Variants in DMD observed in about 807,000 individuals in gnomAD.
The protein encoded by DMD is dystrophin.
A neutral mutation model predicts 330.1 loss-of-function variants in DMD; 63 were observed. That is an observed-to-expected ratio of 0.19 (90% CI 0.16 to 0.24). The LOEUF is 0.24. Ranked by LOEUF, DMD falls within the 10% of genes least tolerant of loss-of-function variation. The probability of loss-of-function intolerance (pLI) is 1.00; values close to 1 mark genes in which losing one functional copy is unlikely to be tolerated. For missense variants in DMD, 3,344 were observed against 2,684.1 expected (o/e 1.25, Z -5.43); for synonymous variants, 1,223 against 959.8 (o/e 1.27, Z -5.07).
At chrX:32,806,369 G>C (rs1365921678) in intron 7 of DMD, among the ~76,000 whole-genome samples, 2 of 111,532 alleles carry the variant, frequency 1.8e-5, no homozygotes, top group Non-Finnish European at 3.8e-5. Flanking sequence ...TTACATAATG[G>C]TAAAGGGATC....
At chrX:32,093,646 C>T (rs1039944424) in intron 44 of DMD, among the ~76,000 whole-genome samples, 9 of 111,527 alleles carry the variant, frequency 8.1e-5, no homozygotes, top group Admixed American at 2.9e-4. Flanking sequence ...ATGAGATTTA[C>T]GACTACTCAA....
intron 16 of DMD, among the ~76,000 whole-genome samples, chrX:32,560,588 C>T (rs1389341700): frequency 9.0e-6 from 1 of 110,771 alleles, no homozygotes; most frequent in Non-Finnish European, 1.9e-5. Context: ...TCCTGATGCT[C>T]TCCTCCTCTC....
At chrX:32,650,362 C>T (rs6653879) in intron 9 of DMD, among the ~76,000 whole-genome samples, 8,721 of 111,487 alleles carry the variant, frequency 0.078, 314 homozygotes, top group African/African-American at 0.14. Flanking sequence ...ATGTATCATA[C>T]TTCTTTTTCA....
intron 60 of DMD, among the ~76,000 whole-genome samples, chrX:31,382,969 A>G (rs2148733514): frequency 8.9e-6 from 1 of 112,282 alleles, no homozygotes; most frequent in East Asian, 2.8e-4. Flanking sequence ...TGACCTACAC[A>G]TATACATCCA....
At chrX:31,527,073 C>T (rs2073297160) in intron 55 of DMD, among the ~76,000 whole-genome samples, 1 of 111,452 alleles carries the variant, frequency 9.0e-6, no homozygotes, top group Admixed American at 9.5e-5. Context: ...CATGATTGTG[C>T]CACTGCACTC....
chrX:31,433,089 A>C (rs1034879416), intron 60 of DMD, among the ~76,000 whole-genome samples: 4 of 111,740 alleles, frequency 3.6e-5, no homozygotes, highest in African/African-American at 1.3e-4. Flanking sequence ...TGTTGTTCCC[A>C]ACTTTACATC....
At chrX:32,177,106 A>G (rs1479574166) in intron 44 of DMD, among the ~76,000 whole-genome samples, 1 of 111,660 alleles carries the variant, frequency 9.0e-6, no homozygotes, top group African/African-American at 3.3e-5. Flanking sequence ...CGTCTCCTGT[A>G]TTTTTCTCAG....
chrX:33,279,339 A>C (rs985308116), intron 1 of DMD, among the ~76,000 whole-genome samples: 4 of 111,816 alleles, frequency 3.6e-5, no homozygotes, highest in Non-Finnish European at 7.5e-5. Context: ...CAACAAAATT[A>C]AGCAGAGATT....
intron 1 of DMD, among the ~76,000 whole-genome samples, chrX:33,135,784 T>C (rs1471196173): frequency 2.7e-5 from 3 of 111,960 alleles, no homozygotes; most frequent in East Asian, 5.6e-4. Context: ...ACAGTACTTA[T>C]ATTATAAAAT....
intron 16 of DMD, among the ~76,000 whole-genome samples, chrX:32,552,162 G>C (rs2049634139): frequency 8.9e-6 from 1 of 111,888 alleles, no homozygotes; most frequent in South Asian, 3.7e-4. Context: ...AGCCAGAATA[G>C]CCAAGGTAAT....
At position 31,173,653 on chromosome X, in the gene DMD, G is replaced by GA. The variant is rs774865038; in HGVS notation, c.10263-50dup. Reference sequence around the variant, plus strand: ...GTCACAGATACCATCCATTAATGGAGAAAAAACCCACCACACAGTTATGTT... The same window carrying GA: ...GTCACAGATACCATCCATTAATGGAGAAAAAAACCCACCACACAGTTATGTT... On this transcript the variant is annotated intron_variant, in intron 71 of 78. Transcript: ENST00000357033. 7 of 1,101,533 alleles carry GA rather than the reference G, an allele frequency of 6.4e-6. 1 individual carries two copies. The highest frequency in any genetic ancestry group is 3.8e-5 in the South Asian group (2 of 52,962). 90.8% of individuals were successfully genotyped at this position (1,101,533 alleles called of 1,213,427 possible).
intron 49 of DMD, among the ~76,000 whole-genome samples, chrX:31,831,118 T>C (rs1289897159): frequency 8.9e-6 from 1 of 112,202 alleles, no homozygotes. Flanking sequence ...CTGAAGTGTT[T>C]TACGCTCTTG....
At chrX:31,203,215 G>A (rs2043684712) in intron 67 of DMD, among the ~76,000 whole-genome samples, 1 of 101,799 alleles carries the variant, frequency 9.8e-6, no homozygotes. Flanking sequence ...CCGGGAGGTG[G>A]AGGTTGCAGT....
chrX:31,794,285 G>A (rs746893013), intron 50 of DMD, among the ~76,000 whole-genome samples: 5 of 111,239 alleles, frequency 4.5e-5, no homozygotes, highest in Admixed American at 9.6e-5. Flanking sequence ...CTATTATTGC[G>A]GAGATGCCAT....
chrX:32,399,338 T>A (rs2098069222), intron 30 of DMD, among the ~76,000 whole-genome samples: 1 of 111,931 alleles, frequency 8.9e-6, no homozygotes, highest in South Asian at 3.7e-4. Flanking sequence ...ACTACCCATC[T>A]GACAAGGGAT....
At chrX:32,981,358 C>T (rs1342449261) in intron 2 of DMD, among the ~76,000 whole-genome samples, 1 of 111,344 alleles carries the variant, frequency 9.0e-6, no homozygotes, top group Non-Finnish European at 1.9e-5. Flanking sequence ...TTTCCAAAGC[C>T]GAGGTTAGCA....
chrX:32,206,676 T>C, intron 44 of DMD: 2 of 498,551 alleles, frequency 4.0e-6, no homozygotes, highest in South Asian at 2.3e-5. Context: ...ATGTGAAGAA[T>C]TGCTTCCAGA....
intron 62 of DMD, among the ~76,000 whole-genome samples, chrX:31,283,983 A>C (rs758428896): frequency 2.6e-4 from 29 of 112,288 alleles, no homozygotes; most frequent in Middle Eastern, 4.6e-3. Context: ...TCTAAGTCAA[A>C]AATGCATTTA....
At chrX:33,076,971 G>A (rs2094852299) in intron 1 of DMD, among the ~76,000 whole-genome samples, 1 of 111,381 alleles carries the variant, frequency 9.0e-6, no homozygotes, top group African/African-American at 3.3e-5. Context: ...TGACTGGTCA[G>A]AGATGAAATC....
Sources: allele counts gnomAD v4.1 joint callset (sites outside exome capture counted in the v4.1 genomes callset), GRCh38; gene constraint gnomAD v4.1.1; transcripts MANE v1.5; gene names NCBI Gene and HGNC (gene_info 2026-07-23, HGNC 2026-07-21).